CTNNA3: variants seen among roughly 807,000 people sequenced by gnomAD.
CTNNA3 encodes catenin alpha 3.
A neutral mutation model predicts 95.7 loss-of-function variants in CTNNA3; 76 were observed. That is an observed-to-expected ratio of 0.79 (90% confidence interval 0.66 to 0.96). The LOEUF is 0.96. Among genes scored for constraint, CTNNA3 ranks in the 40% least tolerant of loss-of-function variants. The pLI is 0.00. For synonymous variants in CTNNA3, 431 were observed against 374.4 expected (o/e 1.15, Z -1.74); for missense variants, 1,191 against 1,089.8 (o/e 1.09, Z -1.31).
At chr10:66,607,075 C>A (rs993826672) in intron 10 of CTNNA3, among the ~76,000 whole-genome samples, 2 of 151,964 alleles carry the variant, frequency 1.3e-5, no homozygotes, top group Admixed American at 1.3e-4. Flanking sequence ...CAAATAAACA[C>A]AATTAAAAAT....
Position 66,914,345 on chromosome 10 carries a change from T to C in CTNNA3, c.1048-138821A>G, listed in dbSNP as rs184853308. On this transcript the variant is annotated intron_variant, in intron 7 of 17. Coordinates refer to ENST00000433211, the MANE Select transcript of CTNNA3 (RefSeq NM_013266.4). ...CAGGGTTTCACCATGTTACCCAGGATGGTCTCGATCTCCTGACCTCATGAT... is the reference window on the plus strand; with the variant it reads ...CAGGGTTTCACCATGTTACCCAGGACGGTCTCGATCTCCTGACCTCATGAT... 5.9e-5 allele frequency among the ~76,000 whole-genome samples: 9 copies of C among 152,160 alleles called. No homozygotes were observed. The East Asian group carries it at 1.7e-3, about 30-fold the overall frequency.
At chr10:67,483,434 G>A (rs1848317795) in intron 5 of CTNNA3, among the ~76,000 whole-genome samples, 1 of 149,558 alleles carries the variant, frequency 6.7e-6, no homozygotes, top group South Asian at 2.1e-4. Context: ...ATACTATGCA[G>A]CCATAAAAAA....
intron 13 of CTNNA3, among the ~76,000 whole-genome samples, chr10:66,169,067 T>C (rs1199221704): frequency 6.6e-6 from 1 of 152,184 alleles, no homozygotes; most frequent in Admixed American, 6.5e-5. Context: ...TTTGTTGTTG[T>C]TGTTGTTACA....
At chr10:66,218,747 A>G (rs536281628) in intron 13 of CTNNA3, among the ~76,000 whole-genome samples, 15 of 152,374 alleles carry the variant, frequency 9.8e-5, no homozygotes, top group Admixed American at 8.5e-4. Flanking sequence ...TTAAAATGTA[A>G]GAGTGGCTTT....
intron 9 of CTNNA3, among the ~76,000 whole-genome samples, chr10:66,687,752 T>C (rs955879324): frequency 1.0e-4 from 14 of 136,372 alleles, no homozygotes; most frequent in Middle Eastern, 4.0e-3. Flanking sequence ...CACACACACA[T>C]ACCACTTAAG....
chr10:65,923,868 T>C (rs1258541230), intron 17 of CTNNA3, among the ~76,000 whole-genome samples: 1 of 152,210 alleles, frequency 6.6e-6, no homozygotes, highest in South Asian at 2.1e-4. Flanking sequence ...TATTCAGTTA[T>C]AATCTTGTCC....
chr10:66,389,601 G>A (rs2092920012), intron 11 of CTNNA3, among the ~76,000 whole-genome samples: 1 of 152,100 alleles, frequency 6.6e-6, no homozygotes, highest in Non-Finnish European at 1.5e-5. Context: ...TTTGTTTGGT[G>A]CAAGCTTCTC....
intron 17 of CTNNA3, among the ~76,000 whole-genome samples, chr10:65,923,120 G>T (rs958452261): frequency 6.6e-6 from 1 of 152,104 alleles, no homozygotes; most frequent in East Asian, 1.9e-4. Context: ...TTTGGGTGGG[G>T]ACACAAAGCC....
chr10:67,322,711 T>C (rs560113405), intron 5 of CTNNA3, among the ~76,000 whole-genome samples: 4 of 152,358 alleles, frequency 2.6e-5, no homozygotes, highest in Non-Finnish European at 5.9e-5. Context: ...TATAATAGAA[T>C]AATTTATATT....
chr10:66,348,090 C>A lies in CTNNA3; in HGVS notation c.1732+31062G>T, dbSNP rs926598492. ...CTTAAGAATACTAAGAATACCAAAT[C>A]ATGAAAGACAATCAGGTTGGCATCA... On this transcript the variant is annotated intron_variant, in intron 12 of 17. Transcript: ENST00000433211. 3.9e-5 allele frequency among the ~76,000 whole-genome samples: 6 copies of A among 151,992 alleles called. No individual in the cohort carries two copies. In the South Asian group the frequency reaches 8.3e-4, roughly 21 times the overall value.
intron 9 of CTNNA3, among the ~76,000 whole-genome samples, chr10:66,688,954 A>T (rs966427835): frequency 2.8e-5 from 4 of 142,252 alleles, no homozygotes; most frequent in African/African-American, 1.1e-4. Context: ...ACAGAGCAAG[A>T]CTCCATCTCA....
At chr10:66,167,878 T>C (rs1047753566) in intron 13 of CTNNA3, among the ~76,000 whole-genome samples, 6 of 152,178 alleles carry the variant, frequency 3.9e-5, no homozygotes. Flanking sequence ...GCATCAAGTG[T>C]GTCCAGAAAT....
chr10:67,384,499 G>T (rs1844069156), intron 5 of CTNNA3, among the ~76,000 whole-genome samples: 1 of 152,144 alleles, frequency 6.6e-6, no homozygotes, highest in Non-Finnish European at 1.5e-5. Flanking sequence ...AAGGTACTGA[G>T]TTACATGTTT....
chr10:66,805,288 G>A (rs1264979184), intron 7 of CTNNA3, among the ~76,000 whole-genome samples: 1 of 151,398 alleles, frequency 6.6e-6, no homozygotes, highest in East Asian at 1.9e-4. Flanking sequence ...TATATGCTGA[G>A]TCCTGTGAGT....
chr10:67,407,749 C>G (rs779618863), intron 5 of CTNNA3, among the ~76,000 whole-genome samples: 1 of 152,144 alleles, frequency 6.6e-6, no homozygotes, highest in Non-Finnish European at 1.5e-5. Flanking sequence ...GTGCGAAAAT[C>G]ACTACCATTC....
intron 10 of CTNNA3, among the ~76,000 whole-genome samples, chr10:66,606,909 A>G (rs1844143210): frequency 6.6e-6 from 1 of 152,134 alleles, no homozygotes; most frequent in Non-Finnish European, 1.5e-5. Flanking sequence ...GCAGAAGAAA[A>G]GAAACAAATC....
At chr10:67,357,832 T>C (rs1266200039) in intron 5 of CTNNA3, among the ~76,000 whole-genome samples, 1 of 151,980 alleles carries the variant, frequency 6.6e-6, no homozygotes, top group East Asian at 1.9e-4. Flanking sequence ...GCCAAAACAA[T>C]GCTAAAAAAT....
intron 17 of CTNNA3, among the ~76,000 whole-genome samples, chr10:65,922,157 A>T (rs901988588): frequency 2.6e-5 from 4 of 152,174 alleles, no homozygotes; most frequent in Admixed American, 6.5e-5. Flanking sequence ...TGCCTCCAAG[A>T]ATATCCTACT....
chr10:66,799,133 C>T (rs902132551), intron 7 of CTNNA3, among the ~76,000 whole-genome samples: 9 of 151,504 alleles, frequency 5.9e-5, no homozygotes, highest in African/African-American at 1.9e-4. Context: ...CAGAACAAAC[C>T]TCAACACTCC....
Sources: allele counts gnomAD v4.1 joint callset (sites outside exome capture counted in the v4.1 genomes callset), GRCh38; gene constraint gnomAD v4.1.1; transcripts MANE v1.5; gene names NCBI Gene and HGNC (gene_info 2026-07-23, HGNC 2026-07-21).